Variants in CLDN10 observed in about 807,000 individuals in gnomAD.
The protein encoded by CLDN10 is claudin 10, also known as claudin-10.
Under a neutral mutation model 22.9 loss-of-function variants are expected in CLDN10, and 15 were observed. That is an observed-to-expected ratio of 0.65 (90% CI 0.44 to 1.01). The LOEUF (loss-of-function observed/expected upper bound fraction) is 1.01, where lower values mean the gene tolerates loss of function less well. Ranked by LOEUF, CLDN10 falls within the 50% of genes least tolerant of loss-of-function variation. The probability of loss-of-function intolerance (pLI) is 0.00; values close to 1 mark genes in which losing one functional copy is unlikely to be tolerated. For missense variants in CLDN10, 247 were observed against 287.8 expected (o/e 0.86, Z 1.03); for synonymous variants, 114 against 111.4 (o/e 1.02, Z -0.15).
At chr13:95,548,490 T>G (rs188707377), upstream of CLDN10, among the ~76,000 whole-genome samples, 2 of 152,032 alleles carry the variant, frequency 1.3e-5, no homozygotes, top group Non-Finnish European at 2.9e-5. Flanking sequence ...GCAAAAAAAA[T>G]TATAGATATA....
At chr13:95,567,716 G>A (rs1238723709) in intron 3 of CLDN10, among the ~76,000 whole-genome samples, 1 of 152,210 alleles carries the variant, frequency 6.6e-6, no homozygotes, top group Non-Finnish European at 1.5e-5. Flanking sequence ...CAAAGGGAAT[G>A]CTTCCAGGTT....
At position 95,560,401 on chromosome 13, in the gene CLDN10, A is replaced by G. The variant is rs79906565; in HGVS notation, c.402A>G (p.Gly134=). 2 of 1,613,958 alleles carry G rather than the reference A, an allele frequency of 1.2e-6. No individual in the cohort carries two copies. Among genetic ancestry groups the G allele is most frequent in the African/African-American group, 1.3e-5 (1 of 74,920 alleles). The change falls in exon 3 of 5, where the codon GGA becomes GGG. Residue 134 remains glycine (G), a synonymous_variant. Transcript: ENST00000299339. ...FILSGLCSMT[G]CSLYANKITT... The stretch of plus-strand genomic sequence containing the variant: ...TGTTAGGGCTGTGCTCAATGACTGG[A>G]TGTTCCCTATATGCAAACAAAATCA...
chr13:95,467,079 A>G (rs908007627), intron 1 of CLDN10, among the ~76,000 whole-genome samples: 18 of 149,926 alleles, frequency 1.2e-4, no homozygotes, highest in East Asian at 7.9e-4. Flanking sequence ...GGGTTTCACC[A>G]TGTTAGCCAG....
intron 1 of CLDN10, among the ~76,000 whole-genome samples, chr13:95,558,847 C>T (rs767152430): frequency 1.3e-5 from 2 of 152,110 alleles, no homozygotes; most frequent in Non-Finnish European, 2.9e-5. Flanking sequence ...ATCTCTTGAA[C>T]CCAGGAATTT....
At chr13:95,490,750 T>G (rs1186109152) in intron 1 of CLDN10, among the ~76,000 whole-genome samples, 3 of 152,170 alleles carry the variant, frequency 2.0e-5, no homozygotes, top group Non-Finnish European at 4.4e-5. Flanking sequence ...GGATGAAATG[T>G]TCTGTATATA....
upstream of CLDN10, among the ~76,000 whole-genome samples, chr13:95,547,856 T>C (rs1220245623): frequency 1.3e-5 from 2 of 152,188 alleles, no homozygotes; most frequent in Admixed American, 6.5e-5. Flanking sequence ...TACACATCTA[T>C]ACAGACGCCA....
Position 95,445,534 on chromosome 13 carries a change from T to G in CLDN10, c.214+11487T>G, listed in dbSNP as rs151148226. Among the ~76,000 whole-genome samples, 81 of 152,322 alleles carry G rather than the reference T, an allele frequency of 5.3e-4. No homozygotes were observed. In the East Asian group the frequency reaches 0.012, roughly 22 times the overall value. ...TTGAGTCTTGGTGACTTATGAGGAA[T>G]GAGAGGGGTCAAGGATGTCTCCAAG... On this transcript the variant is annotated intron_variant, in intron 1 of 4. Coordinates refer to the CLDN10 transcript ENST00000376873.
chr13:95,552,817 T>A lies in CLDN10; in HGVS notation c.64T>A (p.Ser22Thr). 1 of 1,613,900 alleles carries A rather than the reference T, an allele frequency of 6.2e-7. No homozygotes were observed. The highest frequency in any genetic ancestry group is 8.5e-7 in the Non-Finnish European group (1 of 1,179,938). ...MVSISGWVLV[S>T]STLPTDYWKV... ...CTCCATCTCAGGCTGGGTACTGGTG[T>A]CCTCCACGCTGCCCACCGACTACTG... Residue 22 changes from serine (S) to threonine (T), a missense_variant, in exon 1 of 5, where the codon TCC (serine) becomes ACC (threonine). Physicochemically the swap from Ser to Thr is moderately conservative, Grantham distance 58. Transcript: ENST00000299339.
chr13:95,505,987 G>T lies in CLDN10; in HGVS notation c.215-54145G>T, dbSNP rs563200260. 5.3e-5 allele frequency among the ~76,000 whole-genome samples: 8 copies of T among 152,208 alleles called. No individual in the cohort carries two copies. The East Asian group carries it at 1.4e-3, about 26-fold the overall frequency. ...ACTCCTGACCTCTGGTGATCCACCT[G>T]CCTCGACCTCCCAAAGTGCTGGGAT... is the stretch of plus-strand genomic sequence containing the variant. On this transcript the variant is annotated intron_variant, in intron 1 of 4. Coordinates refer to the CLDN10 transcript ENST00000376873.
At chr13:95,495,743 C>CAAAAAAAAAAAAA (rs71722865) in intron 1 of CLDN10, among the ~76,000 whole-genome samples, 2 of 85,714 alleles carry the variant, frequency 2.3e-5, no homozygotes, top group African/African-American at 4.6e-5. Flanking sequence ...GACTCCACCT[C>CAAAAAAAAAAAAA]AAAAAAAAAA....
chr13:95,507,138 C>T (rs1018289750), intron 1 of CLDN10, among the ~76,000 whole-genome samples: 3 of 152,126 alleles, frequency 2.0e-5, no homozygotes, highest in Admixed American at 2.0e-4. Flanking sequence ...CCAAGTTTCT[C>T]CTTTGAGAAA....
intron 1 of CLDN10, among the ~76,000 whole-genome samples, chr13:95,485,398 G>C (rs2042795119): frequency 6.6e-6 from 1 of 152,156 alleles, no homozygotes; most frequent in South Asian, 2.1e-4. Context: ...CAGCCTCCAT[G>C]GTCAAGGCAG....
intron 1 of CLDN10, among the ~76,000 whole-genome samples, chr13:95,485,037 A>G (rs1364150667): frequency 6.6e-6 from 1 of 152,166 alleles, no homozygotes; most frequent in Non-Finnish European, 1.5e-5. Context: ...AAGCCTAGAC[A>G]GATGAGATGG....
Position 95,577,345 on chromosome 13 carries a change from A to G in CLDN10, c.572+7A>G. On this transcript the variant is annotated splice_region_variant and intron_variant, in intron 4 of 4. Transcript: ENST00000299339. Reference sequence around the variant, plus strand: ...ACAACAACAAAACACCCAGGTATGAAAAAGAGACAAAAATGACCTGTTAAA... The same window carrying G: ...ACAACAACAAAACACCCAGGTATGAGAAAGAGACAAAAATGACCTGTTAAA... 1 of 1,548,394 alleles carries G rather than the reference A, an allele frequency of 6.5e-7. No individual in the cohort carries two copies. Among genetic ancestry groups the G allele is most frequent in the East Asian group, 2.2e-5 (1 of 44,568 alleles).
At chr13:95,457,725 G>T (rs894067474) in intron 1 of CLDN10, among the ~76,000 whole-genome samples, 10 of 152,058 alleles carry the variant, frequency 6.6e-5, no homozygotes, top group African/African-American at 1.7e-4. Flanking sequence ...AACAGAAGAG[G>T]CAGCCTGGGT....
At chr13:95,479,010 C>T (rs16951143) in intron 1 of CLDN10, among the ~76,000 whole-genome samples, 4,103 of 152,300 alleles carry the variant, frequency 0.027, 95 homozygotes, top group Middle Eastern at 0.068. Context: ...CCTGTGAGAG[C>T]AATCATCAGC....
At chr13:95,560,035 T>G in intron 1 of CLDN10, 97 bp from the exon 2 acceptor site, 1 of 1,195,022 alleles carries the variant, frequency 8.4e-7, no homozygotes, top group Non-Finnish European at 1.2e-6. Flanking sequence ...AGTTATCTTT[T>G]TGGAAAACAA....
chr13:95,579,638 T>C lies in CLDN10; in HGVS notation c.*1624T>C, dbSNP rs781132703. 6.6e-6 allele frequency: 1 copy of C among 152,292 alleles called. No homozygotes were observed. Among genetic ancestry groups the C allele is most frequent in the East Asian group, 1.9e-4 (1 of 5,188 alleles). The allele number at this position is 152,292 out of a possible 1,614,324, so 9.4% of individuals were successfully genotyped here. A position where few individuals can be genotyped will look rare whatever the true frequency, so the allele number is the denominator to read the frequency against. On this transcript the variant is annotated 3_prime_UTR_variant, in exon 5 of 5. Coordinates refer to ENST00000299339, the MANE Select transcript of CLDN10 (RefSeq NM_006984.5). ...AATCACAACGTGGGTGAATGTAGTA[T>C]TTTCCTGAAGTGTGAAAGACTTAAA...
rs760775984 is a variant in CLDN10 at position 95,552,762 on chromosome 13, C to T, written c.9C>T (p.Ser3=). 3.1e-6 allele frequency: 5 copies of T among 1,611,576 alleles called. No homozygotes were observed. The Admixed American group carries it at 6.7e-5, about 22-fold the overall frequency. ...CGGCTGCAGCCGGCGGCATGGCTAG[C>T]ACGGCTTCGGAGATCATCGCCTTCA... MA[S]TASEIIAFMV... Residue 3 remains serine, a synonymous_variant, in exon 1 of 5, where the codon AGC becomes AGT. Transcript: ENST00000299339.
Sources: gnomAD v4.1 joint callset for allele counts (sites outside exome capture counted in the v4.1 genomes callset) on GRCh38, gnomAD v4.1.1 for gene constraint, MANE v1.5 for transcripts, NCBI Gene and HGNC (gene_info 2026-07-23, HGNC 2026-07-21) for gene names.